KCNIP4: variants seen among roughly 807,000 people sequenced by gnomAD.
KCNIP4 encodes the protein Kv channel-interacting protein 4.
Under a neutral mutation model 34.0 loss-of-function variants are expected in KCNIP4, and 12 were observed. The observed-to-expected ratio is 0.35, with a 90% CI of 0.23 to 0.57. The LOEUF (loss-of-function observed/expected upper bound fraction) is 0.57, where lower values mean the gene tolerates loss of function less well. Among genes scored for constraint, KCNIP4 ranks in the 20% least tolerant of loss-of-function variants. The pLI is 0.83. For synonymous variants in KCNIP4, 124 were observed against 102.2 expected (o/e 1.21, Z -1.29); for missense variants, 238 against 311.7 (o/e 0.76, Z 1.78).
intron 5 of KCNIP4, among the ~76,000 whole-genome samples, chr4:20,743,172 C>T (rs62411662): frequency 0.18 from 27,668 of 151,946 alleles, 2,656 homozygotes; most frequent in Non-Finnish European, 0.22. Context: ...GAATCCATAT[C>T]GTGAACATGG....
chr4:20,923,287 CATG>C (rs1286003959), intron 1 of KCNIP4, among the ~76,000 whole-genome samples: 1 of 152,182 alleles, frequency 6.6e-6, no homozygotes, highest in Non-Finnish European at 1.5e-5. Flanking sequence ...AGGCTAGCTA[CATG>C]ATGATATTTG....
At chr4:21,746,585 G>GA (rs1160600258) in intron 1 of KCNIP4, among the ~76,000 whole-genome samples, 1 of 66,024 alleles carries the variant, frequency 1.5e-5, no homozygotes, top group South Asian at 2.7e-4. Context: ...ATATAATCAA[G>GA]AAAAAATAAA....
chr4:21,056,568 A>G (rs1193409879), intron 1 of KCNIP4, among the ~76,000 whole-genome samples: 1 of 152,136 alleles, frequency 6.6e-6, no homozygotes, highest in Non-Finnish European at 1.5e-5. Flanking sequence ...TTTGCCCTAC[A>G]TACACCCATT....
At chr4:21,087,893 T>C (rs2109035793) in intron 1 of KCNIP4, among the ~76,000 whole-genome samples, 1 of 152,314 alleles carries the variant, frequency 6.6e-6, no homozygotes, top group South Asian at 2.1e-4. Flanking sequence ...AGACATTTAA[T>C]GATAAAAATT....
chr4:21,020,804 A>G (rs1438273631), intron 1 of KCNIP4, among the ~76,000 whole-genome samples: 1 of 152,206 alleles, frequency 6.6e-6, no homozygotes, highest in East Asian at 1.9e-4. Context: ...TAAAGAAATG[A>G]ATAAAATAAC....
chr4:20,949,865 G>T (rs1258766839), intron 1 of KCNIP4, among the ~76,000 whole-genome samples: 2 of 127,688 alleles, frequency 1.6e-5, no homozygotes, highest in Non-Finnish European at 3.3e-5. Flanking sequence ...TTGGGGGGTG[G>T]GGGGAGGGGG....
chr4:20,739,356 C>T (rs1385550625), intron 5 of KCNIP4, among the ~76,000 whole-genome samples: 1 of 152,166 alleles, frequency 6.6e-6, no homozygotes, highest in African/African-American at 2.4e-5. Flanking sequence ...ACACCTCATA[C>T]AGCCAGGTGC....
intron 3 of KCNIP4, among the ~76,000 whole-genome samples, chr4:20,804,656 T>C (rs1213454575): frequency 6.6e-6 from 1 of 152,160 alleles, no homozygotes; most frequent in Non-Finnish European, 1.5e-5. Context: ...ATACTCTCTT[T>C]CTACTTGATT....
chr4:21,569,234 TAAAAAAAAAAAAAAAAA>T lies in KCNIP4; in HGVS notation c.61+379320_61+379336del, dbSNP rs71191521. 1.5e-3 allele frequency among the ~76,000 whole-genome samples: 39 copies of T among 25,186 alleles called. 3 individuals carry two copies. In the East Asian group the frequency reaches 0.04, roughly 26 times the overall value. 16.5% of individuals were successfully genotyped at this position (25,186 alleles called of 152,430 possible). On this transcript the variant is annotated intron_variant, in intron 1 of 8. Transcript: ENST00000382152. ...CCCATGCACTAGGACACTGATATTC[TAAAAAAAAAAAAAAAAA>T]AAAAAAAAAAAAAAGCTTGATTGAC...
At chr4:21,727,989 T>G (rs1450529614) in intron 1 of KCNIP4, among the ~76,000 whole-genome samples, 2 of 152,200 alleles carry the variant, frequency 1.3e-5, no homozygotes, top group Non-Finnish European at 2.9e-5. Flanking sequence ...TATCTAATAC[T>G]ACACTGTACT....
intron 1 of KCNIP4, among the ~76,000 whole-genome samples, chr4:20,961,473 A>C (rs930306804): frequency 2.6e-5 from 4 of 152,214 alleles, no homozygotes; most frequent in African/African-American, 9.6e-5. Flanking sequence ...AACTCAGCAA[A>C]GGCAACAATT....
chr4:20,811,833 T>C (rs1463833776), intron 3 of KCNIP4, among the ~76,000 whole-genome samples: 1 of 152,174 alleles, frequency 6.6e-6, no homozygotes, highest in Non-Finnish European at 1.5e-5. Context: ...CTTATGATCT[T>C]GTAGGAAAAG....
At chr4:21,653,670 G>T (rs1044457040) in intron 1 of KCNIP4, among the ~76,000 whole-genome samples, 1 of 152,176 alleles carries the variant, frequency 6.6e-6, no homozygotes, top group African/African-American at 2.4e-5. Context: ...ATATTTACTA[G>T]GTGTCAGGGG....
At chr4:21,826,136 G>C (rs1722665621) in intron 1 of KCNIP4, among the ~76,000 whole-genome samples, 1 of 152,152 alleles carries the variant, frequency 6.6e-6, no homozygotes, top group Non-Finnish European at 1.5e-5. Flanking sequence ...TGCACAGTGG[G>C]CAGAGTATGT....
In KCNIP4 at chr4:21,125,693, T is replaced by C. The variant is rs116131239; in HGVS notation, c.62-242984A>G. 6.3e-3 allele frequency among the ~76,000 whole-genome samples: 961 copies of C among 152,260 alleles called. 8 individuals carry two copies. The highest frequency in any genetic ancestry group is 0.022 in the African/African-American group (928 of 41,556). On this transcript the variant is annotated intron_variant, in intron 1 of 8. Transcript: ENST00000382152. Reference sequence around the variant, plus strand: ...GAGCTAAAGGATGGCAATGAGACTTTTGGACTCTGAATGTCTCTGTAATCT... The same window carrying C: ...GAGCTAAAGGATGGCAATGAGACTTCTGGACTCTGAATGTCTCTGTAATCT...
intron 1 of KCNIP4, among the ~76,000 whole-genome samples, chr4:21,498,300 T>C (rs1032012875): frequency 1.3e-5 from 2 of 152,200 alleles, no homozygotes; most frequent in African/African-American, 4.8e-5. Context: ...GACATTCTTC[T>C]TGGCCAATAG....
At chr4:21,479,294 G>A (rs186831734) in intron 1 of KCNIP4, among the ~76,000 whole-genome samples, 4 of 152,218 alleles carry the variant, frequency 2.6e-5, no homozygotes, top group South Asian at 2.1e-4. Flanking sequence ...TTAAAATAAG[G>A]TATAAAATGT....
chr4:21,838,936 T>C (rs1207491527), intron 1 of KCNIP4, among the ~76,000 whole-genome samples: 2 of 152,232 alleles, frequency 1.3e-5, no homozygotes, highest in Non-Finnish European at 2.9e-5. Context: ...TATGATTTTC[T>C]ATGAATGTCC....
At chr4:21,141,807 C>A (rs1751972963) in intron 1 of KCNIP4, among the ~76,000 whole-genome samples, 1 of 151,406 alleles carries the variant, frequency 6.6e-6, no homozygotes, top group Admixed American at 6.6e-5. Context: ...TGAGGTCAAG[C>A]AAGGTAACAT....
Sources: gnomAD v4.1 joint callset for allele counts (sites outside exome capture counted in the v4.1 genomes callset) on GRCh38, gnomAD v4.1.1 for gene constraint, MANE v1.5 for transcripts, NCBI Gene and HGNC (gene_info 2026-07-23, HGNC 2026-07-21) for gene names.